The following SKP1 variants were observed in gnomAD, a reference collection of about 807,000 sequenced individuals.
SKP1 encodes S-phase kinase-associated protein 1.
Under a neutral mutation model 21.5 loss-of-function variants are expected in SKP1, and 1 was observed. The ratio of observed to expected loss-of-function variants is 0.05; its 90% CI spans 0.02 to 0.22. The LOEUF (loss-of-function observed/expected upper bound fraction) is 0.22. Among genes scored for constraint, SKP1 ranks in the 10% least tolerant of loss-of-function variants. The probability of loss-of-function intolerance (pLI) is 1.00; values close to 1 mark genes in which losing one functional copy is unlikely to be tolerated. For missense variants in SKP1, 70 were observed against 192.0 expected (o/e 0.36, Z 3.76); for synonymous variants, 59 against 59.3 (o/e 0.99, Z 0.03).
In SKP1 at chr5:134,153,542, C is replaced by T. The variant is rs1289997062; in HGVS notation, c.*4191G>A. The T allele has an allele frequency of 6.6e-6, 1 of 152,162 alleles. No homozygotes were observed. Among genetic ancestry groups the T allele is most frequent in the Non-Finnish European group, 1.5e-5 (1 of 68,048 alleles). The allele number at this position is 152,162 out of a possible 1,614,324, so 9.4% of individuals were successfully genotyped here. ...TGGGCACACTGCCTATGGGGTAGTC[C>T]TGCTCTGCAAGGAGCAGTTAAAAAA... On this transcript the variant is annotated 3_prime_UTR_variant, in exon 6 of 6. Transcript: ENST00000353411.
At chr5:134,174,532 C>T in intron 1 of SKP1, 1 of 901,626 alleles carries the variant, frequency 1.1e-6, no homozygotes, top group Non-Finnish European at 1.3e-6. Context: ...AATGCAAGAC[C>T]ATATACAAGA....
In SKP1 at chr5:134,154,624, T is replaced by C. The variant is rs1237338816; in HGVS notation, c.*3109A>G. 6.6e-6 allele frequency: 1 copy of C among 152,156 alleles called. No homozygotes were observed. Among genetic ancestry groups the C allele is most frequent in the Admixed American group, 6.6e-5 (1 of 15,266 alleles). 9.4% of individuals were successfully genotyped at this position (152,156 alleles called of 1,614,324 possible). ...AAGCCAAAGGACTGCCATGGAGTCCTTGAAAGGACTTCATCATTAAAAGCA... is the reference window on the plus strand; with the variant it reads ...AAGCCAAAGGACTGCCATGGAGTCCCTGAAAGGACTTCATCATTAAAAGCA... On this transcript the variant is annotated 3_prime_UTR_variant, in exon 6 of 6. Coordinates refer to ENST00000353411, the MANE Select transcript of SKP1 (RefSeq NM_170679.3).
chr5:134,161,482 T>C (rs1325646472), intron 3 of SKP1: 1 of 159,892 alleles, frequency 6.3e-6, no homozygotes, highest in Non-Finnish European at 1.3e-5. Flanking sequence ...TAAAGAGAAA[T>C]GGGTTAATAT....
chr5:134,158,086 C>G, intron 5 of SKP1: 1 of 1,425,610 alleles, frequency 7.0e-7, no homozygotes, highest in East Asian at 3.1e-5. Flanking sequence ...TCTATTCTTT[C>G]ATTTCCTCCC....
chr5:134,157,778 A>G lies in SKP1; in HGVS notation c.457-10T>C, dbSNP rs1761145377. 1 of 1,613,288 alleles carries G rather than the reference A, an allele frequency of 6.2e-7. No homozygotes were observed. Among genetic ancestry groups the G allele is most frequent in the Non-Finnish European group, 8.5e-7 (1 of 1,179,346 alleles). On this transcript the variant is annotated splice_polypyrimidine_tract_variant and intron_variant, in intron 5 of 5. Transcript: ENST00000353411. ...GGTTCTCTTTGCGTACCTAAAAGAG[A>G]TGGATATAGGGAAGTACCTTAACTT...
At chr5:134,160,820 T>A (rs1761206970) in intron 4 of SKP1, among the ~76,000 whole-genome samples, 167 bp downstream of exon 4, 1 of 152,196 alleles carries the variant, frequency 6.6e-6, no homozygotes, top group African/African-American at 2.4e-5. Context: ...TTAACTGTGT[T>A]TAGACCATTT....
intron 3 of SKP1, among the ~76,000 whole-genome samples, chr5:134,166,210 A>G (rs1317601080): frequency 6.6e-6 from 1 of 151,874 alleles, no homozygotes; most frequent in Non-Finnish European, 1.5e-5. Flanking sequence ...GCTATATATT[A>G]ACTAACATAG....
At chr5:134,160,305 C>T (rs191689293) in intron 4 of SKP1, among the ~76,000 whole-genome samples, 232 of 151,884 alleles carry the variant, frequency 1.5e-3, no homozygotes, top group African/African-American at 5.2e-3. Context: ...TGCAGTGAGC[C>T]AAAATCATGC....
In SKP1 at chr5:134,153,730, TA is replaced by T. The variant is rs1761077436; in HGVS notation, c.*4002del. ...TAGGCAAATTAACTTAAACAAAATT[TA>T]TGTTGGGATCAGAACACAGCCCATA... On this transcript the variant is annotated 3_prime_UTR_variant, in exon 6 of 6. Coordinates refer to ENST00000353411, the MANE Select transcript of SKP1 (RefSeq NM_170679.3). 1 of 152,158 alleles carries T rather than the reference TA, an allele frequency of 6.6e-6. No individual in the cohort carries two copies. Among genetic ancestry groups the T allele is most frequent in the Non-Finnish European group, 1.5e-5 (1 of 68,040 alleles). 9.4% of individuals were successfully genotyped at this position (152,158 alleles called of 1,614,324 possible).
At chr5:134,171,462 A>G (rs761922822) in intron 2 of SKP1, among the ~76,000 whole-genome samples, 2 of 152,206 alleles carry the variant, frequency 1.3e-5, no homozygotes, top group Non-Finnish European at 2.9e-5. Context: ...AACCCAATAT[A>G]TAAAACAAGT....
In SKP1 at chr5:134,152,353, T is replaced by G. The variant is rs1001602939; in HGVS notation, c.*5380A>C. 4 of 152,222 alleles carry G rather than the reference T, an allele frequency of 2.6e-5. No individual in the cohort carries two copies. Among genetic ancestry groups the G allele is most frequent in the Admixed American group, 6.5e-5 (1 of 15,278 alleles). 9.4% of individuals were successfully genotyped at this position (152,222 alleles called of 1,614,324 possible). A position where few individuals can be genotyped will look rare whatever the true frequency, so the allele number is the denominator to read the frequency against. ...TCTTTAGTCTATATTCTCAGGGAAATGTACCAACACCCAACCTTCTGCTGT... is the reference window on the plus strand; with the variant it reads ...TCTTTAGTCTATATTCTCAGGGAAAGGTACCAACACCCAACCTTCTGCTGT... On this transcript the variant is annotated 3_prime_UTR_variant, in exon 6 of 6. Coordinates refer to ENST00000353411, the MANE Select transcript of SKP1 (RefSeq NM_170679.3).
intron 5 of SKP1, chr5:134,158,182 A>G (rs903818762): frequency 7.2e-7 from 1 of 1,394,720 alleles, no homozygotes; most frequent in African/African-American, 1.4e-5. Flanking sequence ...GTCTATACAG[A>G]AAGTTGCAGG....
At position 134,152,711 on chromosome 5, in the gene SKP1, T is replaced by C. The variant is rs953531483; in HGVS notation, c.*5022A>G. The C allele has an allele frequency of 6.6e-6, 1 of 152,334 alleles. No homozygotes were observed. Among genetic ancestry groups the C allele is most frequent in the Middle Eastern group, 3.4e-3 (1 of 294 alleles). 9.4% of individuals were successfully genotyped at this position (152,334 alleles called of 1,614,324 possible). On this transcript the variant is annotated 3_prime_UTR_variant, in exon 6 of 6. Coordinates refer to ENST00000353411, the MANE Select transcript of SKP1 (RefSeq NM_170679.3). ...CATGTGCCACCACGCCCAGCTAATT[T>C]TTGTATTTTTAGTAGAGATGAGGTT...
At chr5:134,175,565 A>C (rs1044084762) in intron 1 of SKP1, 1 of 152,260 alleles carries the variant, frequency 6.6e-6, no homozygotes, top group African/African-American at 2.4e-5. Flanking sequence ...AAATCTAACA[A>C]TGCAGTTGAT....
chr5:134,151,857 C>T lies in SKP1; in HGVS notation c.*5876G>A. On this transcript the variant is annotated 3_prime_UTR_variant, in exon 6 of 6. Transcript: ENST00000353411. ...CATCTATCACTCAAACTATGTCCCG[C>T]ATTGGAAGTGTGTCAAGCAAGAGCA... is the stretch of plus-strand genomic sequence containing the variant. 1 of 329,820 alleles carries T rather than the reference C, an allele frequency of 3.0e-6. No homozygotes were observed. The highest frequency in any genetic ancestry group is 6.3e-6 in the Non-Finnish European group (1 of 159,540). 20.4% of individuals were successfully genotyped at this position (329,820 alleles called of 1,614,324 possible).
intron 3 of SKP1, among the ~76,000 whole-genome samples, chr5:134,163,801 CCAAA>C (rs1039845228): frequency 6.6e-6 from 1 of 151,864 alleles, no homozygotes; most frequent in Non-Finnish European, 1.5e-5. Flanking sequence ...AACAAACAAA[CCAAA>C]CAAACAAAAA....
At chr5:134,174,576 T>C in intron 1 of SKP1, 1 of 557,788 alleles carries the variant, frequency 1.8e-6, no homozygotes, top group Non-Finnish European at 2.3e-6. Flanking sequence ...CAGATGTGAG[T>C]ACAATTCCCT....
At chr5:134,170,105 A>G (rs1362288865) in intron 2 of SKP1, among the ~76,000 whole-genome samples, 11 of 151,586 alleles carry the variant, frequency 7.3e-5, no homozygotes, top group Middle Eastern at 3.2e-3. Context: ...GGAGGCAGAG[A>G]TTGCAGTGAG....
intron 3 of SKP1, among the ~76,000 whole-genome samples, chr5:134,162,256 A>G (rs1177582429): frequency 1.3e-5 from 2 of 152,076 alleles, no homozygotes; most frequent in Non-Finnish European, 2.9e-5. Flanking sequence ...GCATGCCACC[A>G]CACCTGGCTC....
Sources: gnomAD v4.1 joint callset for allele counts (sites outside exome capture counted in the v4.1 genomes callset) on GRCh38, gnomAD v4.1.1 for gene constraint, MANE v1.5 for transcripts, NCBI Gene and HGNC (gene_info 2026-07-23, HGNC 2026-07-21) for gene names.